PDE7A: variants seen among roughly 807,000 people sequenced by gnomAD.
PDE7A encodes the protein high affinity 3',5'-cyclic-AMP phosphodiesterase 7A.
PDE7A carries 39 observed loss-of-function variants against 64.3 expected under a neutral mutation model. That is an observed-to-expected ratio of 0.61 (90% CI 0.47 to 0.79). PDE7A has a LOEUF of 0.79. Among genes scored for constraint, PDE7A ranks in the 30% least tolerant of loss-of-function variants. PDE7A has a pLI of 0.00. For synonymous variants in PDE7A, 203 were observed against 206.8 expected, an observed-to-expected ratio of 0.98 and a Z score of 0.16; for missense variants, 470 against 582.8, an observed-to-expected ratio of 0.81 and a Z score of 1.99.
rs141385470 is a variant in PDE7A at position 65,770,285 on chromosome 8, T to C, written c.283+9435A>G. On this transcript the variant is annotated intron_variant, in intron 3 of 12. Transcript: ENST00000401827. The stretch of plus-strand genomic sequence containing the variant: ...GACATACCTGAGACTGGGTAATTTA[T>C]AAAGAAAAAGAGGTTTGATGGACTC... Among the ~76,000 whole-genome samples, 43 of 152,166 alleles carry C rather than the reference T, an allele frequency of 2.8e-4. 1 individual carries two copies. The highest frequency in any genetic ancestry group is 1.2e-3 in the Admixed American group (18 of 15,288).
At chr8:65,770,426 A>G (rs1008110308) in intron 3 of PDE7A, among the ~76,000 whole-genome samples, 1 of 152,212 alleles carries the variant, frequency 6.6e-6, no homozygotes, top group Non-Finnish European at 1.5e-5. Flanking sequence ...CTCTTATAAA[A>G]TCATCAGATT....
At chr8:65,731,289 C>A (rs1459997139) in intron 7 of PDE7A, among the ~76,000 whole-genome samples, 1 of 152,118 alleles carries the variant, frequency 6.6e-6, no homozygotes, top group South Asian at 2.1e-4. Flanking sequence ...TTGCTGACAT[C>A]AAAGGGAAGG....
At chr8:65,751,816 T>C (rs1422325428) in intron 3 of PDE7A, among the ~76,000 whole-genome samples, 1 of 152,206 alleles carries the variant, frequency 6.6e-6, no homozygotes, top group Non-Finnish European at 1.5e-5. Flanking sequence ...AAAAATTAAA[T>C]ATATAGAAAC....
At chr8:65,801,460 T>C (rs966236989) in intron 1 of PDE7A, among the ~76,000 whole-genome samples, 13 of 152,192 alleles carry the variant, frequency 8.5e-5, no homozygotes, top group Admixed American at 8.5e-4. Flanking sequence ...TGGGTGAACC[T>C]GAGTTTTAGG....
intron 7 of PDE7A, among the ~76,000 whole-genome samples, chr8:65,730,423 A>C (rs971770890): frequency 6.6e-6 from 1 of 150,502 alleles, no homozygotes; most frequent in African/African-American, 2.4e-5. Context: ...CAGGTGATCC[A>C]CCTGCCTCAG....
chr8:65,809,300 A>G (rs1810185403), intron 1 of PDE7A, among the ~76,000 whole-genome samples: 1 of 152,244 alleles, frequency 6.6e-6, no homozygotes, highest in African/African-American at 2.4e-5. Flanking sequence ...TGATACAGAA[A>G]AACAGCTTTA....
intron 1 of PDE7A, among the ~76,000 whole-genome samples, chr8:65,816,242 G>T (rs1403723584): frequency 1.3e-5 from 2 of 152,186 alleles, no homozygotes; most frequent in Admixed American, 1.3e-4. Flanking sequence ...AAAAAATTTT[G>T]AGTATCATTA....
chr8:65,761,160 G>A (rs974582177), intron 3 of PDE7A, among the ~76,000 whole-genome samples: 1 of 151,806 alleles, frequency 6.6e-6, no homozygotes, highest in Non-Finnish European at 1.5e-5. Context: ...CCCAGGTCCT[G>A]ATTCAAGCAA....
intron 1 of PDE7A, among the ~76,000 whole-genome samples, chr8:65,795,249 T>C (rs1230171804): frequency 6.6e-6 from 1 of 152,202 alleles, no homozygotes; most frequent in Non-Finnish European, 1.5e-5. Flanking sequence ...AGCCCTAACA[T>C]TGCCCAGGCT....
chr8:65,816,898 C>T (rs2128931292), intron 1 of PDE7A, among the ~76,000 whole-genome samples: 1 of 152,280 alleles, frequency 6.6e-6, no homozygotes, highest in African/African-American at 2.4e-5. Context: ...GAGAAGTTGT[C>T]CAAAAGGTCA....
At chr8:65,770,743 G>A (rs2128920397) in intron 3 of PDE7A, among the ~76,000 whole-genome samples, 1 of 152,316 alleles carries the variant, frequency 6.6e-6, no homozygotes, top group East Asian at 1.9e-4. Flanking sequence ...GAGAAAAAAA[G>A]TTTAAAGGTG....
At chr8:65,736,084 T>C (rs980339374) in intron 6 of PDE7A, among the ~76,000 whole-genome samples, 1 of 152,168 alleles carries the variant, frequency 6.6e-6, no homozygotes, top group Non-Finnish European at 1.5e-5. Context: ...AATGCGCAAT[T>C]TATAAGTTAG....
chr8:65,719,636 T>G, intron 12 of PDE7A, 141 bp from the exon 13 acceptor site: 4 of 633,666 alleles, frequency 6.3e-6, no homozygotes, highest in Non-Finnish European at 1.1e-5. Context: ...TGTGTATGTG[T>G]AGGTGACAGA....
At chr8:65,759,849 T>C (rs997342553) in intron 3 of PDE7A, among the ~76,000 whole-genome samples, 1 of 152,156 alleles carries the variant, frequency 6.6e-6, no homozygotes. Context: ...CACCCCACCC[T>C]GGTACTCTAG....
At chr8:65,789,188 G>A (rs1163214106) in intron 1 of PDE7A, 2 of 541,578 alleles carry the variant, frequency 3.7e-6, no homozygotes, top group African/African-American at 3.8e-5. Context: ...AACTGCCTAA[G>A]TAATGTTGGA....
chr8:65,725,019 C>G, intron 9 of PDE7A, 98 bp from the exon 10 acceptor site: 1 of 605,412 alleles, frequency 1.7e-6, no homozygotes, highest in Non-Finnish European at 2.6e-6. Context: ...CTTTATAGAA[C>G]CCTAAAATAT....
chr8:65,789,088 A>G lies in PDE7A; in HGVS notation c.139-6245T>C, dbSNP rs1809634586. ...GGACCTCAAGCAGCTGCCTTCCAAC[A>G]GTGATCACCTGACTCCTCTGGGAAT... On this transcript the variant is annotated intron_variant, in intron 1 of 12. Transcript: ENST00000401827. 3 of 1,391,932 alleles carry G rather than the reference A, an allele frequency of 2.2e-6. No homozygotes were observed. The South Asian group carries it at 5.4e-5, about 25-fold the overall frequency. The allele number at this position is 1,391,932 out of a possible 1,614,324, so 86.2% of individuals were successfully genotyped here. A position where few individuals can be genotyped will look rare whatever the true frequency, so the allele number is the denominator to read the frequency against.
intron 1 of PDE7A, among the ~76,000 whole-genome samples, chr8:65,836,858 A>G (rs1810962656): frequency 6.6e-6 from 1 of 152,190 alleles, no homozygotes; most frequent in Admixed American, 6.5e-5. Flanking sequence ...ATCATCACAG[A>G]AAGTTCTACT....
chr8:65,726,024 T>A (rs537270034), intron 9 of PDE7A, among the ~76,000 whole-genome samples: 1 of 152,214 alleles, frequency 6.6e-6, no homozygotes. Context: ...TTTTTTCTCA[T>A]GGTCATTACA....
Sources: gnomAD v4.1 joint callset for allele counts (sites outside exome capture counted in the v4.1 genomes callset) on GRCh38, gnomAD v4.1.1 for gene constraint, MANE v1.5 for transcripts, NCBI Gene and HGNC (gene_info 2026-07-23, HGNC 2026-07-21) for gene names.